ACOXL: variants seen among roughly 807,000 people sequenced by gnomAD.
The protein encoded by ACOXL is acyl-CoA oxidase like, also known as acyl-coenzyme A oxidase-like protein.
A neutral mutation model predicts 71.9 loss-of-function variants in ACOXL; 70 were observed. That is an observed-to-expected ratio of 0.97 (90% CI 0.80 to 1.19). ACOXL has a LOEUF of 1.19. ACOXL is among the 50% of genes most tolerant of loss of function. The pLI, the probability that ACOXL is intolerant of heterozygous loss-of-function variation, is 0.00. For missense variants in ACOXL, 703 were observed against 736.3 expected, an observed-to-expected ratio of 0.95 and a Z score of 0.52; for synonymous variants, 253 against 281.6, an observed-to-expected ratio of 0.90 and a Z score of 1.02.
At chr2:111,093,708 A>G (rs2068658541) in intron 17 of ACOXL, 2 of 565,848 alleles carry the variant, frequency 3.5e-6, no homozygotes, top group African/African-American at 1.9e-5. Context: ...ACTAAAATAC[A>G]AAAAAATTAG....
At chr2:110,801,159 TGTG>T (rs916818215) in intron 7 of ACOXL, among the ~76,000 whole-genome samples, 22 of 152,156 alleles carry the variant, frequency 1.4e-4, no homozygotes, top group Non-Finnish European at 1.5e-5. Context: ...CTGCTGTCCT[TGTG>T]GCTATTTTCC....
At chr2:110,749,160 CA>C (rs1436694079) in intron 1 of ACOXL, among the ~76,000 whole-genome samples, 1 of 152,098 alleles carries the variant, frequency 6.6e-6, no homozygotes, top group Non-Finnish European at 1.5e-5. Context: ...TCCACTAGAT[CA>C]AAATTGATTT....
chr2:111,087,845 A>G (rs55711612), intron 16 of ACOXL, among the ~76,000 whole-genome samples: 33,699 of 152,178 alleles, frequency 0.22, 4,167 homozygotes, highest in East Asian at 0.45. Context: ...GAAACTATCA[A>G]CAGGGTGAAC....
At chr2:110,897,960 G>A (rs983104198) in intron 10 of ACOXL, among the ~76,000 whole-genome samples, 2 of 151,254 alleles carry the variant, frequency 1.3e-5, no homozygotes, top group Non-Finnish European at 2.9e-5. Context: ...AGAATACTAG[G>A]AACAACTCTG....
At chr2:110,913,049 G>A (rs181499417) in intron 11 of ACOXL, among the ~76,000 whole-genome samples, 99 of 152,248 alleles carry the variant, frequency 6.5e-4, no homozygotes, top group African/African-American at 2.0e-3. Flanking sequence ...AATCAAAACA[G>A]CAATCAGATA....
Position 111,117,720 on chromosome 2 carries a change from C to T in ACOXL, c.1647C>T (p.Asn549=). ...ACGCACCAATCGCCGGAATCTCCAACCCGCGGGCCGCGTGGGCTTTCTACC... is the reference window on the plus strand; with the variant it reads ...ACGCACCAATCGCCGGAATCTCCAATCCGCGGGCCGCGTGGGCTTTCTACC... ...YLHAPIAGIS[N]PRAAWAFYPA... is the part of the protein sequence containing the mutation. The change falls in exon 18 of 18, where the codon AAC becomes AAT. Residue 549 remains asparagine (N), a synonymous_variant. Transcript: ENST00000439055. The T allele has an allele frequency of 6.4e-7, 1 of 1,551,756 alleles. No individual in the cohort carries two copies. Among genetic ancestry groups the T allele is most frequent in the East Asian group, 2.4e-5 (1 of 40,930 alleles).
chr2:111,101,236 T>C (rs1377904638), intron 17 of ACOXL: 1 of 152,350 alleles, frequency 6.6e-6, no homozygotes, highest in Admixed American at 6.5e-5. Flanking sequence ...CAAAGGCTTG[T>C]GATTAAAGAA....
intron 10 of ACOXL, among the ~76,000 whole-genome samples, chr2:110,892,972 C>G (rs1698091959): frequency 6.6e-6 from 1 of 152,148 alleles, no homozygotes; most frequent in Non-Finnish European, 1.5e-5. Flanking sequence ...TTCCCATATC[C>G]CACTGGGGTA....
At chr2:111,057,652 T>C (rs1017707822) in intron 16 of ACOXL, among the ~76,000 whole-genome samples, 3 of 152,232 alleles carry the variant, frequency 2.0e-5, no homozygotes, top group African/African-American at 7.2e-5. Flanking sequence ...CTCTGCTGTC[T>C]GTGCATTTAC....
At chr2:110,902,207 C>T (rs1574053883) in intron 10 of ACOXL, among the ~76,000 whole-genome samples, 1 of 152,168 alleles carries the variant, frequency 6.6e-6, no homozygotes, top group South Asian at 2.1e-4. Flanking sequence ...ACAGTGGCTA[C>T]ACCTGTAATC....
At chr2:110,873,051 A>G (rs1341740141) in intron 10 of ACOXL, among the ~76,000 whole-genome samples, 1 of 152,310 alleles carries the variant, frequency 6.6e-6, no homozygotes, top group East Asian at 1.9e-4. Flanking sequence ...ATGTTTTATG[A>G]GTCACATTGA....
intron 10 of ACOXL, among the ~76,000 whole-genome samples, chr2:110,884,593 T>C (rs931938714): frequency 2.0e-5 from 3 of 152,290 alleles, no homozygotes; most frequent in East Asian, 3.9e-4. Context: ...ATTCTATTTG[T>C]GTAAAGAGGT....
rs1423007590 is a variant in ACOXL, at chr2:110,948,483, TAAAC to T, written c.1059+14845_1059+14848del. Reference sequence around the variant, plus strand: ...CTTGGAACAGAGCCAAGGCCTGAAATAAACAAAACAGATCTCTGGGAATCACAAA... The same window carrying T: ...CTTGGAACAGAGCCAAGGCCTGAAATAAAACAGATCTCTGGGAATCACAAA... On this transcript the variant is annotated intron_variant, in intron 12 of 17. Coordinates refer to ENST00000439055, the MANE Select transcript of ACOXL (RefSeq NM_001142807.4). Among the ~76,000 whole-genome samples the T allele has an allele frequency of 2.0e-5, 3 of 152,026 alleles. No homozygotes were observed. The East Asian group carries it at 5.8e-4, about 30-fold the overall frequency.
At chr2:110,868,303 A>G (rs1361724762) in intron 10 of ACOXL, among the ~76,000 whole-genome samples, 3 of 152,076 alleles carry the variant, frequency 2.0e-5, no homozygotes, top group Non-Finnish European at 2.9e-5. Flanking sequence ...CATTTTCCTT[A>G]ATTCCTGCAG....
At chr2:110,778,247 A>G (rs1682893212) in intron 2 of ACOXL, among the ~76,000 whole-genome samples, 1 of 152,232 alleles carries the variant, frequency 6.6e-6, no homozygotes, top group Non-Finnish European at 1.5e-5. Flanking sequence ...ACAGACAGAC[A>G]CTATAAAAAG....
At chr2:111,061,957 A>G (rs2149885771) in intron 16 of ACOXL, among the ~76,000 whole-genome samples, 1 of 152,082 alleles carries the variant, frequency 6.6e-6, no homozygotes, top group African/African-American at 2.4e-5. Context: ...ACAAACAGAA[A>G]ACAAGAAATA....
chr2:110,768,631 A>G (rs1186999188), intron 2 of ACOXL, among the ~76,000 whole-genome samples, 167 bp downstream of exon 2: 1 of 152,048 alleles, frequency 6.6e-6, no homozygotes, highest in Non-Finnish European at 1.5e-5. Context: ...TTTGATGTAC[A>G]GAGTATTTCC....
intron 14 of ACOXL, among the ~76,000 whole-genome samples, chr2:111,012,736 A>G (rs1001109800): frequency 1.3e-5 from 2 of 152,242 alleles, no homozygotes; most frequent in African/African-American, 4.8e-5. Flanking sequence ...GGGGAATTAG[A>G]GAATATTTCA....
intron 17 of ACOXL, chr2:111,098,574 A>G (rs2068940833): frequency 6.6e-6 from 1 of 152,252 alleles, no homozygotes; most frequent in Non-Finnish European, 1.5e-5. Flanking sequence ...GAATCCTGGG[A>G]CAGAAGAACA....
Sources: gnomAD v4.1 joint callset for allele counts (sites outside exome capture counted in the v4.1 genomes callset) on GRCh38, gnomAD v4.1.1 for gene constraint, MANE v1.5 for transcripts, NCBI Gene and HGNC (gene_info 2026-07-23, HGNC 2026-07-21) for gene names.